EIF3M: variants seen among roughly 807,000 people sequenced by gnomAD.
EIF3M encodes eukaryotic translation initiation factor 3 subunit M.
In EIF3M, 25 loss-of-function variants were observed where a neutral mutation model predicts 49.7. The observed-to-expected ratio is 0.50, with a 90% CI of 0.37 to 0.70. The LOEUF is 0.70. Ranked by LOEUF, EIF3M falls within the 30% of genes least tolerant of loss-of-function variation. The pLI, the probability that EIF3M is intolerant of heterozygous loss-of-function variation, is 0.00. For synonymous variants in EIF3M, 156 were observed against 149.8 expected (o/e 1.04, Z -0.30); for missense variants, 350 against 440.0 (o/e 0.80, Z 1.83).
Position 32,584,238 on chromosome 11 carries a change from A to G in EIF3M, c.42+309A>G, listed in dbSNP as rs1854956345. The G allele has an allele frequency of 9.6e-6, 4 of 417,426 alleles. No homozygotes were observed. In the Admixed American group the frequency reaches 1.6e-4, roughly 17 times the overall value. 25.9% of individuals were successfully genotyped at this position (417,426 alleles called of 1,614,324 possible). A position where few individuals can be genotyped will look rare whatever the true frequency, so the allele number is the denominator to read the frequency against. ...ATGTCTGCTTCCGTCCGTCAAATGC[A>G]GCCACATTCGGAGTGGGAGGTGGTG... On this transcript the variant is annotated intron_variant, in intron 1 of 10. Transcript: ENST00000531120.
Position 32,595,973 on chromosome 11 carries a change from C to A in EIF3M, c.725C>A (p.Thr242Asn). ...TGTCTCTTATCTGTATAGCTTTTAA[C>A]CATTTTTGTGAGTGCTAAATTGGCA... ...LEGELIHDLL[T>N]IFVSAKLASY... The change falls in exon 8 of 11, where the codon ACC (threonine) becomes AAC (asparagine). Residue 242 changes from threonine (T) to asparagine (N), a missense_variant. Transcript: ENST00000531120. 1 of 1,575,096 alleles carries A rather than the reference C, an allele frequency of 6.3e-7. No homozygotes were observed. Among genetic ancestry groups the A allele is most frequent in the Non-Finnish European group, 8.6e-7 (1 of 1,167,624 alleles).
rs1231207264 is a variant in EIF3M at position 32,587,071 on chromosome 11, G to C, written c.102G>C (p.Ser34=). 1 of 1,612,680 alleles carries C rather than the reference G, an allele frequency of 6.2e-7. No individual in the cohort carries two copies. The highest frequency in any genetic ancestry group is 1.7e-5 in the Admixed American group (1 of 60,002). Reference sequence around the variant, plus strand: ...GAGCTGAGATTTCAGAAGAGAACTCGGAAGGTGGACTTCATGTTGATTTAG... The same window carrying C: ...GAGCTGAGATTTCAGAAGAGAACTCCGAAGGTGGACTTCATGTTGATTTAG... ...SKGAEISEEN[S]EGGLHVDLAQ... Residue 34 remains serine, a synonymous_variant, in exon 2 of 11, where the codon TCG becomes TCC. Coordinates refer to ENST00000531120, the MANE Select transcript of EIF3M (RefSeq NM_006360.6).
intron 2 of EIF3M, among the ~76,000 whole-genome samples, chr11:32,588,333 G>A (rs1397590277): frequency 2.0e-5 from 3 of 146,766 alleles, no homozygotes; most frequent in Admixed American, 6.9e-5. Context: ...AGGTTGCAGT[G>A]AGCCGAGATC....
At chr11:32,585,389 G>C (rs1163559755) in intron 1 of EIF3M, among the ~76,000 whole-genome samples, 3 of 152,030 alleles carry the variant, frequency 2.0e-5, no homozygotes, top group Non-Finnish European at 4.4e-5. Context: ...TTCTGTTCTT[G>C]TAACATCAGT....
Position 32,600,739 on chromosome 11 carries a change from G to A in EIF3M, c.850G>A (p.Gly284Arg). ...AAAAATGAGACTACTTACTTTTATGGGAATGGCAGTAGAAAATAAGGAAAT... is the reference window on the plus strand; with the variant it reads ...AAAAATGAGACTACTTACTTTTATGAGAATGGCAGTAGAAAATAAGGAAAT... ...MAKMRLLTFMGMAVENKEISF... is the reference protein window; with the variant it reads ...MAKMRLLTFMRMAVENKEISF... The change falls in exon 9 of 11, where the codon GGA (glycine) becomes AGA (arginine). Residue 284 changes from glycine to arginine, a missense_variant. Physicochemically the swap from Gly to Arg is moderately radical, Grantham distance 125. Coordinates refer to ENST00000531120, the MANE Select transcript of EIF3M (RefSeq NM_006360.6). 4 of 1,611,642 alleles carry A rather than the reference G, an allele frequency of 2.5e-6. No homozygotes were observed. The highest frequency in any genetic ancestry group is 3.4e-6 in the Non-Finnish European group (4 of 1,178,432).
At chr11:32,598,677 G>A (rs1374234154) in intron 8 of EIF3M, among the ~76,000 whole-genome samples, 1 of 152,012 alleles carries the variant, frequency 6.6e-6, no homozygotes, top group African/African-American at 2.4e-5. Flanking sequence ...CCTCTGATAA[G>A]TTTTTTCATT....
intron 7 of EIF3M, among the ~76,000 whole-genome samples, chr11:32,595,715 A>G (rs1385070577): frequency 6.6e-6 from 1 of 152,196 alleles, no homozygotes; most frequent in South Asian, 2.1e-4. Context: ...GTGCATCTGG[A>G]CTATGCCATT....
Position 32,601,764 on chromosome 11 carries a change from G to A in EIF3M, c.946G>A (p.Val316Ile), listed in dbSNP as rs778478271. The A allele has an allele frequency of 1.4e-5, 22 of 1,611,158 alleles. No individual in the cohort carries two copies. The highest frequency in any genetic ancestry group is 7.7e-5 in the South Asian group (7 of 90,842). ...CGATATAAAACATCTTTTTTCAGCC[G>A]TAAGAACTAAAATGGTCTACTGCAA... Reference protein sequence around the residue: ...DDVEAFVIDAVRTKMVYCKID... With the variant: ...DDVEAFVIDAIRTKMVYCKID... Residue 316 changes from valine to isoleucine, a missense_variant and splice_region_variant, in exon 10 of 11, where the codon GTA becomes ATA. Physicochemically the swap from Val to Ile is conservative, Grantham distance 29. Transcript: ENST00000531120.
At chr11:32,593,349 G>A (rs760849075) in intron 5 of EIF3M, among the ~76,000 whole-genome samples, 6 of 152,134 alleles carry the variant, frequency 3.9e-5, no homozygotes, top group Non-Finnish European at 8.8e-5. Flanking sequence ...AATTGGAAGG[G>A]TATCTTAAGT....
rs1565046024 is a variant in EIF3M at position 32,587,130 on chromosome 11, A to G, written c.161A>G (p.Lys54Arg). 3 of 1,596,096 alleles carry G rather than the reference A, an allele frequency of 1.9e-6. No individual in the cohort carries two copies. The highest frequency in any genetic ancestry group is 2.6e-6 in the Non-Finnish European group (3 of 1,171,184). ...QIIEACDVCL[K>R]EDDKDVESVM... ...ATTGAAGCCTGTGATGTGTGTCTGAAGGAGGATGATAAAGGTTTGTTTTTA... is the reference window on the plus strand; with the variant it reads ...ATTGAAGCCTGTGATGTGTGTCTGAGGGAGGATGATAAAGGTTTGTTTTTA... The change falls in exon 2 of 11, where the codon AAG becomes AGG. Residue 54 changes from lysine to arginine, a missense_variant. By Grantham distance (26) the Lys-to-Arg change is conservative. Coordinates refer to ENST00000531120, the MANE Select transcript of EIF3M (RefSeq NM_006360.6).
At chr11:32,584,234 A>G in intron 1 of EIF3M, 1 of 421,504 alleles carries the variant, frequency 2.4e-6, no homozygotes, top group Non-Finnish European at 4.3e-6. Flanking sequence ...CGTCCGTCAA[A>G]TGCAGCCACA....
chr11:32,600,617 A>C, intron 8 of EIF3M, 72 bp from the exon 9 acceptor site: 1 of 1,407,676 alleles, frequency 7.1e-7, no homozygotes, highest in Non-Finnish European at 9.4e-7. Context: ...TCCACAGCTT[A>C]ACATGAGATG....
intron 9 of EIF3M, 54 bp from the exon 10 acceptor site, chr11:32,601,708 T>C (rs913239549): frequency 3.3e-6 from 5 of 1,534,418 alleles, no homozygotes; most frequent in Non-Finnish European, 4.5e-6. Flanking sequence ...ATACCTTAGC[T>C]ATTTTTCTTG....
In EIF3M at chr11:32,593,904, G is replaced by A; in HGVS notation, c.572G>A (p.Ser191Asn). The change falls in exon 6 of 11, where the codon AGT (serine) becomes AAT (asparagine). Residue 191 changes from serine to asparagine, a missense_variant. By Grantham distance (46) the Ser-to-Asn change is conservative (BLOSUM62 1). Transcript: ENST00000531120. ...AAAGTCATGGTGGAATTGCTCGGAAGTTACACAGAGGACAATGCTTCCCAG... is the reference window on the plus strand; with the variant it reads ...AAAGTCATGGTGGAATTGCTCGGAAATTACACAGAGGACAATGCTTCCCAG... ...ASKVMVELLG[S>N]YTEDNASQAR... 1 of 1,580,180 alleles carries A rather than the reference G, an allele frequency of 6.3e-7. No individual in the cohort carries two copies. Among genetic ancestry groups the A allele is most frequent in the Non-Finnish European group, 8.6e-7 (1 of 1,164,574 alleles).
At chr11:32,597,817 C>G (rs551134642) in intron 8 of EIF3M, among the ~76,000 whole-genome samples, 2 of 152,118 alleles carry the variant, frequency 1.3e-5, no homozygotes, top group Non-Finnish European at 2.9e-5. Context: ...CATATTAAGA[C>G]TGAATTTTTT....
chr11:32,588,507 T>G (rs1855040120), intron 2 of EIF3M, 87 bp from the exon 3 acceptor site: 2 of 1,452,158 alleles, frequency 1.4e-6, no homozygotes, highest in African/African-American at 2.8e-5. Flanking sequence ...TGGTCTTCAT[T>G]GTATTAAAAC....
intron 1 of EIF3M, 130 bp from the exon 2 acceptor site, chr11:32,586,882 G>A (rs1444195766): frequency 1.6e-6 from 2 of 1,242,836 alleles, no homozygotes; most frequent in South Asian, 1.7e-5. Flanking sequence ...GGTGAGGGAG[G>A]GGTCTTCAAC....
intron 6 of EIF3M, chr11:32,594,237 T>C (rs1485051783): frequency 1.2e-5 from 3 of 254,276 alleles, no homozygotes. Context: ...CTTGGGCCAA[T>C]TGACCCTAAT....
At chr11:32,599,733 C>T (rs1855233045) in intron 8 of EIF3M, among the ~76,000 whole-genome samples, 1 of 151,928 alleles carries the variant, frequency 6.6e-6, no homozygotes, top group African/African-American at 2.4e-5. Flanking sequence ...TCTGCTCCTA[C>T]TTAGGACTAG....
Sources: allele counts gnomAD v4.1 joint callset (sites outside exome capture counted in the v4.1 genomes callset), GRCh38; gene constraint gnomAD v4.1.1; transcripts MANE v1.5; gene names NCBI Gene and HGNC (gene_info 2026-07-23, HGNC 2026-07-21).